KIAA1217: variants seen among roughly 807,000 people sequenced by gnomAD.
The protein encoded by KIAA1217 is sickle tail protein homolog.
Under a neutral mutation model 163.9 loss-of-function variants are expected in KIAA1217, and 88 were observed. The ratio of observed to expected loss-of-function variants is 0.54; its 90% confidence interval spans 0.45 to 0.64. KIAA1217 has a LOEUF of 0.64. Among genes scored for constraint, KIAA1217 ranks in the 30% least tolerant of loss-of-function variants. KIAA1217 has a pLI of 0.00. For missense variants in KIAA1217, 2,372 were observed against 2,475.0 expected, an observed-to-expected ratio of 0.96 and a Z score of 0.88; for synonymous variants, 903 against 923.1, an observed-to-expected ratio of 0.98 and a Z score of 0.39.
At chr10:23,949,126 T>G (rs1844202674) in intron 1 of KIAA1217, among the ~76,000 whole-genome samples, 1 of 152,206 alleles carries the variant, frequency 6.6e-6, no homozygotes, top group South Asian at 2.1e-4. Context: ...TAGGGATACT[T>G]GAATTGATTC....
chr10:23,870,076 C>A (rs1451271842), intron 1 of KIAA1217, among the ~76,000 whole-genome samples: 2 of 152,004 alleles, frequency 1.3e-5, no homozygotes, highest in African/African-American at 4.8e-5. Flanking sequence ...TAGCTTTTTG[C>A]CTAAGTAGCA....
At chr10:23,967,448 A>G (rs1845109141) in intron 1 of KIAA1217, among the ~76,000 whole-genome samples, 1 of 152,192 alleles carries the variant, frequency 6.6e-6, no homozygotes, top group Non-Finnish European at 1.5e-5. Context: ...TTTTTAATAG[A>G]AAAATAATAG....
intron 2 of KIAA1217, among the ~76,000 whole-genome samples, chr10:24,325,006 G>A (rs1033755865): frequency 3.3e-5 from 5 of 152,118 alleles, no homozygotes; most frequent in Admixed American, 2.0e-4. Flanking sequence ...GAAAAAAAGT[G>A]TAAGCAGGTG....
At chr10:24,201,375 A>G (rs1172803955) in intron 2 of KIAA1217, among the ~76,000 whole-genome samples, 1 of 152,244 alleles carries the variant, frequency 6.6e-6, no homozygotes, top group Non-Finnish European at 1.5e-5. Flanking sequence ...CCAACCAGTC[A>G]TTAAATATTT....
intron 2 of KIAA1217, among the ~76,000 whole-genome samples, chr10:24,369,710 G>A (rs1332566141): frequency 1.3e-5 from 2 of 152,138 alleles, no homozygotes; most frequent in African/African-American, 4.8e-5. Context: ...AAGGCTACAA[G>A]CAGGTTTCTT....
chr10:23,737,554 TCTC>T (rs372560915), intron 1 of KIAA1217, among the ~76,000 whole-genome samples: 125 of 152,152 alleles, frequency 8.2e-4, no homozygotes, highest in African/African-American at 2.9e-3. Context: ...CCATTGCCCC[TCTC>T]CTCATTGCCC....
chr10:23,922,918 G>T (rs1262091054), intron 1 of KIAA1217, among the ~76,000 whole-genome samples: 3 of 152,140 alleles, frequency 2.0e-5, no homozygotes, highest in Admixed American at 6.6e-5. Flanking sequence ...TAGTTTTGAT[G>T]CATATTGTAA....
Position 23,736,517 on chromosome 10 carries a change from AGTT to A in KIAA1217, c.-321+41290_-321+41292del, listed in dbSNP as rs898974942. On this transcript the variant is annotated intron_variant, in intron 1 of 18. Coordinates refer to the KIAA1217 transcript ENST00000376462. Reference sequence around the variant, plus strand: ...AATTAATCACTACACCTTTGTGATAAGTTGTTGTTTTTTAGAGATTTTAGAGAT... The same window carrying A: ...AATTAATCACTACACCTTTGTGATAAGTTGTTTTTTAGAGATTTTAGAGAT... Among the ~76,000 whole-genome samples the A allele has an allele frequency of 9.7e-4, 148 of 152,202 alleles. 1 individual carries two copies. The highest frequency in any genetic ancestry group is 3.4e-3 in the African/African-American group (143 of 41,514).
At chr10:23,873,015 G>A (rs1016483898) in intron 1 of KIAA1217, among the ~76,000 whole-genome samples, 1 of 151,956 alleles carries the variant, frequency 6.6e-6, no homozygotes, top group Non-Finnish European at 1.5e-5. Flanking sequence ...CTGTTAAAAA[G>A]CTCTTGCATT....
intron 2 of KIAA1217, among the ~76,000 whole-genome samples, chr10:24,335,118 T>G (rs2046177034): frequency 1.3e-5 from 2 of 152,102 alleles, no homozygotes; most frequent in African/African-American, 4.8e-5. Context: ...GGAGTAATCC[T>G]AAAAACATTA....
At chr10:24,212,060 CAGAG>C (rs1005458581) in intron 1 of KIAA1217, among the ~76,000 whole-genome samples, 4 of 131,396 alleles carry the variant, frequency 3.0e-5, no homozygotes, top group African/African-American at 1.2e-4. Context: ...GAGAGAAAGA[CAGAG>C]AGAAAGAGAA....
At chr10:24,252,126 G>A (rs907137825) in intron 2 of KIAA1217, among the ~76,000 whole-genome samples, 3 of 152,154 alleles carry the variant, frequency 2.0e-5, no homozygotes, top group Non-Finnish European at 4.4e-5. Flanking sequence ...TATGGAGGAG[G>A]AATCTGAAGC....
At chr10:24,195,310 A>C (rs7083993) in intron 2 of KIAA1217, among the ~76,000 whole-genome samples, 105,258 of 152,068 alleles carry the variant, frequency 0.69, 36,929 homozygotes, top group Middle Eastern at 0.82. Context: ...TGTCTTCTTA[A>C]TCCAGACCCT....
intron 2 of KIAA1217, among the ~76,000 whole-genome samples, chr10:24,077,855 G>T (rs1404927976): frequency 6.6e-6 from 1 of 152,138 alleles, no homozygotes; most frequent in Non-Finnish European, 1.5e-5. Context: ...AGCATCTCTT[G>T]TTTTTTGACT....
intron 1 of KIAA1217, among the ~76,000 whole-genome samples, chr10:24,006,912 C>T (rs1439396855): frequency 6.6e-6 from 1 of 152,168 alleles, no homozygotes. Context: ...CTCTTCATTT[C>T]CTTCCGCCCC....
chr10:24,064,949 C>G (rs905310672), intron 2 of KIAA1217, among the ~76,000 whole-genome samples: 1 of 152,192 alleles, frequency 6.6e-6, no homozygotes, highest in South Asian at 2.1e-4. Context: ...ATAGTATTCT[C>G]TGATGGTAGT....
At chr10:23,834,246 C>A (rs994552628) in intron 1 of KIAA1217, among the ~76,000 whole-genome samples, 3 of 152,168 alleles carry the variant, frequency 2.0e-5, no homozygotes, top group Non-Finnish European at 4.4e-5. Context: ...ACTTTCTGAT[C>A]TGTGGTAACT....
In KIAA1217 at chr10:24,389,166, G is replaced by C. The variant is rs1321743236; in HGVS notation, c.553+8099G>C. On this transcript the variant is annotated intron_variant, in intron 3 of 20. Coordinates refer to ENST00000376454, the MANE Select transcript of KIAA1217 (RefSeq NM_019590.5). ...GGAACCAGCCCAAACGTCCATCAAT[G>C]ATAGACTGGATTAAGAAAATGTGGC... Among the ~76,000 whole-genome samples, 3 of 152,246 alleles carry C rather than the reference G, an allele frequency of 2.0e-5. No individual in the cohort carries two copies. In the East Asian group the frequency reaches 5.8e-4, roughly 29 times the overall value.
intron 2 of KIAA1217, among the ~76,000 whole-genome samples, chr10:24,233,877 G>A (rs1172931437): frequency 6.6e-6 from 1 of 152,036 alleles, no homozygotes; most frequent in Non-Finnish European, 1.5e-5. Flanking sequence ...CCATATCATT[G>A]TATTTTTATC....
Sources: gnomAD v4.1 joint callset for allele counts (sites outside exome capture counted in the v4.1 genomes callset) on GRCh38, gnomAD v4.1.1 for gene constraint, MANE v1.5 for transcripts, NCBI Gene and HGNC (gene_info 2026-07-23, HGNC 2026-07-21) for gene names.